Variants in PUM1 observed in about 807,000 individuals in gnomAD.
PUM1 encodes pumilio RNA binding family member 1, also known as pumilio homolog 1.
A neutral mutation model predicts 131.8 loss-of-function variants in PUM1; 13 were observed. The observed-to-expected ratio is 0.10, with a 90% CI of 0.06 to 0.16. PUM1 has a LOEUF of 0.16. Ranked by LOEUF, PUM1 falls within the 10% of genes least tolerant of loss-of-function variation. The pLI is 1.00. For synonymous variants in PUM1, 509 were observed against 556.5 expected, an observed-to-expected ratio of 0.91 and a Z score of 1.20; for missense variants, 961 against 1,512.4, an observed-to-expected ratio of 0.64 and a Z score of 6.05.
intron 2 of PUM1, among the ~76,000 whole-genome samples, chr1:31,036,115 G>C (rs1175888306): frequency 6.6e-6 from 1 of 151,772 alleles, no homozygotes; most frequent in Non-Finnish European, 1.5e-5. Context: ...TGTTGCCCAG[G>C]CTGAAGTGCA....
chr1:30,985,987 C>T (rs1040551467), intron 7 of PUM1, among the ~76,000 whole-genome samples: 4 of 151,834 alleles, frequency 2.6e-5, no homozygotes, highest in African/African-American at 9.7e-5. Flanking sequence ...CAGAGTGAGA[C>T]TCTGTCCCCG....
chr1:31,063,521 G>T (rs1390094936), intron 1 of PUM1, among the ~76,000 whole-genome samples: 1 of 152,086 alleles, frequency 6.6e-6, no homozygotes. Flanking sequence ...GACAATGTAC[G>T]TTATTCCAGT....
rs144347863 is a variant in PUM1, at chr1:30,937,791, C to G, written c.3243-956G>C. On this transcript the variant is annotated intron_variant, in intron 20 of 21. Transcript: ENST00000426105. ...TTTTATTTTATTTTCATTTTTGAGACAGGGTCTCACTCTGTCACCCAGGCT... is the reference window on the plus strand; with the variant it reads ...TTTTATTTTATTTTCATTTTTGAGAGAGGGTCTCACTCTGTCACCCAGGCT... 3.9e-4 allele frequency among the ~76,000 whole-genome samples: 59 copies of G among 152,080 alleles called. 3 individuals are homozygous for G. In the East Asian group the frequency reaches 0.011, roughly 29 times the overall value.
At chr1:30,963,776 A>G (rs1387617296) in intron 14 of PUM1, among the ~76,000 whole-genome samples, 2 of 152,244 alleles carry the variant, frequency 1.3e-5, no homozygotes, top group African/African-American at 4.8e-5. Flanking sequence ...ATTTAGGCCT[A>G]TCATCACCAA....
chr1:31,007,184 G>T, intron 3 of PUM1, 82 bp from the exon 4 acceptor site: 1 of 1,049,874 alleles, frequency 9.5e-7, no homozygotes, highest in Non-Finnish European at 1.5e-6. Context: ...TTTAGACAAG[G>T]GTACTGAAGA....
intron 3 of PUM1, among the ~76,000 whole-genome samples, chr1:31,027,633 C>T (rs1247628531): frequency 6.6e-6 from 1 of 152,164 alleles, no homozygotes; most frequent in African/African-American, 2.4e-5. Flanking sequence ...CAAGAAGATT[C>T]AGAAAGTTGG....
chr1:31,044,789 TTTA>T (rs1365915834), intron 2 of PUM1, among the ~76,000 whole-genome samples: 1 of 151,988 alleles, frequency 6.6e-6, no homozygotes, highest in Non-Finnish European at 1.5e-5. Flanking sequence ...CCAGCTAATT[TTTA>T]TTGTTTTGTT....
chr1:30,978,888 C>T (rs1274224638), intron 9 of PUM1, among the ~76,000 whole-genome samples: 5 of 151,994 alleles, frequency 3.3e-5, no homozygotes, highest in Admixed American at 6.6e-5. Flanking sequence ...TGCTTGAGCC[C>T]GAGAATTTGA....
chr1:30,944,394 G>GA (rs999252257), intron 18 of PUM1, among the ~76,000 whole-genome samples: 8 of 151,456 alleles, frequency 5.3e-5, no homozygotes, highest in South Asian at 2.1e-4. Flanking sequence ...TTGTGTTTTG[G>GA]AAAAAAACAA....
chr1:30,959,844 T>C (rs1570134733), intron 14 of PUM1, among the ~76,000 whole-genome samples: 1 of 150,766 alleles, frequency 6.6e-6, no homozygotes, highest in African/African-American at 2.4e-5. Context: ...GGGGCAGAGG[T>C]TGCAGTGAGC....
intron 5 of PUM1, among the ~76,000 whole-genome samples, chr1:31,004,986 C>T (rs1570253110): frequency 6.6e-6 from 1 of 152,100 alleles, no homozygotes; most frequent in Non-Finnish European, 1.5e-5. Flanking sequence ...AAGTACAAAA[C>T]AAGTTTAGAC....
chr1:31,025,975 G>A (rs545993017), intron 3 of PUM1, among the ~76,000 whole-genome samples: 4 of 152,092 alleles, frequency 2.6e-5, no homozygotes, highest in Admixed American at 6.5e-5. Context: ...ATCTTCCACC[G>A]GGCACGGTAG....
intron 5 of PUM1, among the ~76,000 whole-genome samples, chr1:31,002,819 T>C (rs1642264271): frequency 6.6e-6 from 1 of 152,212 alleles, no homozygotes; most frequent in African/African-American, 2.4e-5. Flanking sequence ...TTCTTCTTGT[T>C]AGCCAGAATG....
intron 3 of PUM1, among the ~76,000 whole-genome samples, chr1:31,020,277 A>G (rs977065453): frequency 2.0e-5 from 3 of 152,208 alleles, no homozygotes; most frequent in African/African-American, 7.2e-5. Context: ...GGTGTACCAC[A>G]TGTTCCTTAT....
At chr1:30,965,385 C>T (rs1439338044) in intron 13 of PUM1, among the ~76,000 whole-genome samples, 2 of 152,184 alleles carry the variant, frequency 1.3e-5, no homozygotes, top group African/African-American at 4.8e-5. Flanking sequence ...AATTAAGATA[C>T]TTTCTTTCAC....
chr1:30,952,552 G>A (rs565723529), intron 15 of PUM1, among the ~76,000 whole-genome samples, 189 bp from the exon 16 acceptor site: 1 of 152,002 alleles, frequency 6.6e-6, no homozygotes. Context: ...TTTTTAAATA[G>A]AGGAAGAAGG....
chr1:31,005,691 T>C (rs1642374984), intron 5 of PUM1, among the ~76,000 whole-genome samples, 162 bp downstream of exon 5: 1 of 152,216 alleles, frequency 6.6e-6, no homozygotes, highest in Non-Finnish European at 1.5e-5. Flanking sequence ...CTATGTTTGC[T>C]GAGTTCTATT....
chr1:30,985,064 T>G (rs575544389), intron 7 of PUM1, among the ~76,000 whole-genome samples: 1 of 152,326 alleles, frequency 6.6e-6, no homozygotes, highest in South Asian at 2.1e-4. Flanking sequence ...AGCTCACCAG[T>G]GACTTGCTAT....
chr1:30,998,345 A>G (rs1220293811), intron 5 of PUM1, among the ~76,000 whole-genome samples: 1 of 152,204 alleles, frequency 6.6e-6, no homozygotes, highest in African/African-American at 2.4e-5. Flanking sequence ...TGTTATTAAG[A>G]GATAGTATCA....
Sources: gnomAD v4.1 joint callset for allele counts (sites outside exome capture counted in the v4.1 genomes callset) on GRCh38, gnomAD v4.1.1 for gene constraint, MANE v1.5 for transcripts, NCBI Gene and HGNC (gene_info 2026-07-23, HGNC 2026-07-21) for gene names.